H6PD: variants seen among roughly 807,000 people sequenced by gnomAD.
The protein encoded by H6PD is GDH/6PGL endoplasmic bifunctional protein.
Under a neutral mutation model 61.2 loss-of-function variants are expected in H6PD, and 48 were observed. That is an observed-to-expected ratio of 0.78 (90% confidence interval 0.62 to 1.00). The LOEUF (loss-of-function observed/expected upper bound fraction) is 1.00, where lower values mean the gene tolerates loss of function less well. Ranked by LOEUF, H6PD falls within the 50% of genes least tolerant of loss-of-function variation. The probability of loss-of-function intolerance (pLI) is 0.00; values close to 1 mark genes in which losing one functional copy is unlikely to be tolerated. For synonymous variants in H6PD, 480 were observed against 457.9 expected (o/e 1.05, Z -0.62); for missense variants, 1,093 against 1,065.0 (o/e 1.03, Z -0.37).
In H6PD at chr1:9,245,427, G is replaced by T; in HGVS notation, c.493G>T (p.Gly165Cys). ...NINSSCRPGP[G>C]AWLRVVLEKP... ...CAACAGTAGCTGCCGGCCAGGCCCGGGCGCCTGGCTGCGGGTTGTCCTTGA... is the reference window on the plus strand; with the variant it reads ...CAACAGTAGCTGCCGGCCAGGCCCGTGCGCCTGGCTGCGGGTTGTCCTTGA... Residue 165 changes from glycine to cysteine, a missense_variant, in exon 2 of 5, where the codon GGC (glycine) becomes TGC (cysteine). Physicochemically the swap from Gly to Cys is radical, Grantham distance 159 (BLOSUM62 -3). Coordinates refer to ENST00000377403, the MANE Select transcript of H6PD (RefSeq NM_004285.4). This position sits in a 1 kb window ranked among gnomAD's most constrained non-coding sequence, Gnocchi z 4.8. The T allele has an allele frequency of 6.2e-7, 1 of 1,614,110 alleles. No homozygotes were observed. Among genetic ancestry groups the T allele is most frequent in the South Asian group, 1.1e-5 (1 of 91,082 alleles).
intron 1 of H6PD, chr1:9,243,094 G>C: frequency 2.4e-6 from 1 of 413,234 alleles, no homozygotes; most frequent in Non-Finnish European, 3.3e-6. Context: ...GTGTCCTGTA[G>C]ACACTGGCTC....
rs1486085781 is a variant in H6PD at position 9,262,101 on chromosome 1, T to A, written c.788T>A (p.Val263Asp). 1.9e-6 allele frequency: 3 copies of A among 1,614,058 alleles called. No individual in the cohort carries two copies. The highest frequency in any genetic ancestry group is 2.5e-6 in the Non-Finnish European group (3 of 1,180,024). ...FYEEYGVIRD[V>D]LQNHLTEVLT... ...GAGGAGTACGGTGTCATTCGCGACGTCCTCCAGAACCATCTGACGGAGGTC... is the reference window on the plus strand; with the variant it reads ...GAGGAGTACGGTGTCATTCGCGACGACCTCCAGAACCATCTGACGGAGGTC... Residue 263 changes from valine to aspartate, a missense_variant, in exon 4 of 5, where the codon GTC becomes GAC. Physicochemically the swap from Val to Asp is radical, Grantham distance 152. Transcript: ENST00000377403.
rs1638723861 is a variant in H6PD, at chr1:9,270,806, G to C, written c.*5937G>C. 1.3e-5 allele frequency: 2 copies of C among 152,278 alleles called. No individual in the cohort carries two copies. The highest frequency in any genetic ancestry group is 2.9e-5 in the Non-Finnish European group (2 of 68,078). 9.4% of individuals were successfully genotyped at this position (152,278 alleles called of 1,614,324 possible). On this transcript the variant is annotated 3_prime_UTR_variant, in exon 5 of 5. Transcript: ENST00000377403. The stretch of plus-strand genomic sequence containing the variant: ...AGACTGTTCCCTTGGGTGGAGAGGT[G>C]TGGGCATGAGAGCCACCCATTGCCA...
Position 9,264,657 on chromosome 1 carries a change from C to T in H6PD, c.2164C>T (p.Pro722Ser), listed in dbSNP as rs144508545. ...GEQLVVLTTS[P>S]SQPHRRMSLS... ...GCAGCTGGTCGTGCTGACCACGAGC[C>T]CCTCCCAGCCACACCGCCGCATGAG... is the stretch of plus-strand genomic sequence containing the variant. The change falls in exon 5 of 5, where the codon CCC becomes TCC. Residue 722 changes from proline to serine, a missense_variant. By Grantham distance (74) the Pro-to-Ser change is moderately conservative. Transcript: ENST00000377403. 1.5e-4 allele frequency: 242 copies of T among 1,613,120 alleles called. No individual in the cohort carries two copies. In the African/African-American group the frequency reaches 3.0e-3, roughly 20 times the overall value.
At chr1:9,237,176 G>T (rs769043205) in intron 1 of H6PD, among the ~76,000 whole-genome samples, 48 of 149,544 alleles carry the variant, frequency 3.2e-4, no homozygotes, top group Non-Finnish European at 5.5e-4. Flanking sequence ...GGACCAGACT[G>T]CCTGTATTCA....
Position 9,245,016 on chromosome 1 carries a change from A to G in H6PD, c.82A>G (p.Ile28Val). ...QAQELQGHVS[I>V]ILLGATGDLA... ...CCAGGAGCTCCAGGGACATGTCTCC[A>G]TAATCCTGCTGGGAGCAACTGGGGA... The change falls in exon 2 of 5, where the codon ATA becomes GTA. Residue 28 changes from isoleucine (I) to valine (V), a missense_variant. By Grantham distance (29) the Ile-to-Val change is conservative (BLOSUM62 3). Transcript: ENST00000377403. The surrounding 1 kb of genome is among the most constrained non-coding windows in gnomAD (Gnocchi z 4.8). 1 of 1,614,192 alleles carries G rather than the reference A, an allele frequency of 6.2e-7. No homozygotes were observed. The highest frequency in any genetic ancestry group is 8.5e-7 in the Non-Finnish European group (1 of 1,180,020).
intron 3 of H6PD, among the ~76,000 whole-genome samples, chr1:9,255,681 T>C (rs560858198): frequency 1.3e-5 from 2 of 152,296 alleles, no homozygotes; most frequent in South Asian, 4.1e-4. Flanking sequence ...AAAGGAGAAT[T>C]GGAAGATTTG....
chr1:9,264,799 C>A lies in H6PD; in HGVS notation c.2306C>A (p.Pro769His). Residue 769 changes from proline to histidine, a missense_variant, in exon 5 of 5, where the codon CCC becomes CAC. Pro to His is a moderately conservative substitution (Grantham distance 77). Coordinates refer to ENST00000377403, the MANE Select transcript of H6PD (RefSeq NM_004285.4). Reference sequence around the variant, plus strand: ...GTGGGCCATGAGCCCAAGAAGTGGCCCATCTCGGGTGTCCTGCCGCACTCC... The same window carrying A: ...GTGGGCCATGAGCCCAAGAAGTGGCACATCTCGGGTGTCCTGCCGCACTCC... Reference protein sequence around the residue: ...SRVGHEPKKWPISGVLPHSGQ... With the variant: ...SRVGHEPKKWHISGVLPHSGQ... The A allele has an allele frequency of 6.2e-7, 1 of 1,612,988 alleles. No individual in the cohort carries two copies. The highest frequency in any genetic ancestry group is 8.5e-7 in the Non-Finnish European group (1 of 1,180,012).
chr1:9,243,969 G>A (rs1641081792), intron 1 of H6PD, among the ~76,000 whole-genome samples: 1 of 152,190 alleles, frequency 6.6e-6, no homozygotes, highest in Admixed American at 6.5e-5. Flanking sequence ...TGCAGTGGCT[G>A]CACAGTCAGT....
At chr1:9,257,908 G>A (rs1641569402) in intron 3 of H6PD, among the ~76,000 whole-genome samples, 1 of 152,242 alleles carries the variant, frequency 6.6e-6, no homozygotes, top group Non-Finnish European at 1.5e-5. Flanking sequence ...GGTATGCGTT[G>A]GAACCCTGAT....
rs1203936963 is a variant in H6PD, at chr1:9,262,157, A to G, written c.844A>G (p.Asn282Asp). 1 of 1,614,194 alleles carries G rather than the reference A, an allele frequency of 6.2e-7. No homozygotes were observed. The highest frequency in any genetic ancestry group is 8.5e-7 in the Non-Finnish European group (1 of 1,180,024). ...LTLVAMELPHNVSSAEAVLRH... is the reference protein window; with the variant it reads ...LTLVAMELPHDVSSAEAVLRH... ...CCTCGTGGCCATGGAGCTGCCCCAC[A>G]ATGTCAGCAGTGCGGAGGCTGTGCT... The change falls in exon 4 of 5, where the codon AAT becomes GAT. Residue 282 changes from asparagine to aspartate, a missense_variant. Transcript: ENST00000377403.
chr1:9,253,682 C>A (rs1456889018), intron 3 of H6PD, among the ~76,000 whole-genome samples: 1 of 152,196 alleles, frequency 6.6e-6, no homozygotes, highest in Non-Finnish European at 1.5e-5. Context: ...GTTTATACCT[C>A]CAGCCGCCTT....
chr1:9,235,981 T>C (rs1640839613), intron 1 of H6PD, among the ~76,000 whole-genome samples: 1 of 152,294 alleles, frequency 6.6e-6, no homozygotes, highest in East Asian at 1.9e-4. Flanking sequence ...CATGAAAAGC[T>C]GTCTGAGTTT....
chr1:9,258,608 CGTT>C (rs1198493855), intron 3 of H6PD, among the ~76,000 whole-genome samples: 1 of 150,556 alleles, frequency 6.6e-6, no homozygotes, highest in Non-Finnish European at 1.5e-5. Flanking sequence ...CTGTTAACAC[CGTT>C]GTTATGTTGC....
rs752666710 is a variant in H6PD at position 9,264,073 on chromosome 1, C to G, written c.1580C>G (p.Pro527Arg). 6.2e-7 allele frequency: 1 copy of G among 1,613,898 alleles called. No individual in the cohort carries two copies. The highest frequency in any genetic ancestry group is 8.5e-7 in the Non-Finnish European group (1 of 1,179,964). Reference sequence around the variant, plus strand: ...CGGTTGTTCTTTTCCCAGCAGCAGCCGGAGCAGCTGGTGCCAGGGCCAGGG... The same window carrying G: ...CGGTTGTTCTTTTCCCAGCAGCAGCGGGAGCAGCTGGTGCCAGGGCCAGGG... ...SGRLFFSQQQ[P>R]EQLVPGPGPA... is the part of the protein sequence containing the mutation. The change falls in exon 5 of 5, where the codon CCG becomes CGG. Residue 527 changes from proline to arginine, a missense_variant. Pro to Arg is a moderately radical substitution (Grantham distance 103). Coordinates refer to ENST00000377403, the MANE Select transcript of H6PD (RefSeq NM_004285.4).
chr1:9,264,976 C>G lies in H6PD; in HGVS notation c.*107C>G. 8.3e-7 allele frequency: 1 copy of G among 1,210,636 alleles called. No individual in the cohort carries two copies. The highest frequency in any genetic ancestry group is 1.2e-6 in the Non-Finnish European group (1 of 842,496). 75.0% of individuals were successfully genotyped at this position (1,210,636 alleles called of 1,614,324 possible). A position where few individuals can be genotyped will look rare whatever the true frequency, so the allele number is the denominator to read the frequency against. ...CCCAGCGTGCCCTGGCTCTCCAGAACCTTCTATCCCACAGTCAGGCCCCAG... is the reference window on the plus strand; with the variant it reads ...CCCAGCGTGCCCTGGCTCTCCAGAAGCTTCTATCCCACAGTCAGGCCCCAG... On this transcript the variant is annotated 3_prime_UTR_variant, in exon 5 of 5. Coordinates refer to ENST00000377403, the MANE Select transcript of H6PD (RefSeq NM_004285.4).
intron 1 of H6PD, among the ~76,000 whole-genome samples, chr1:9,239,638 C>T (rs1452504237): frequency 6.6e-6 from 1 of 152,158 alleles, no homozygotes; most frequent in African/African-American, 2.4e-5. Flanking sequence ...TGTTTTACTC[C>T]CACATGTTCT....
chr1:9,238,106 C>T (rs1351854132), intron 1 of H6PD, among the ~76,000 whole-genome samples: 1 of 152,110 alleles, frequency 6.6e-6, no homozygotes, highest in African/African-American at 2.4e-5. Context: ...TCTGAGTAAG[C>T]CTCACTGAGA....
At chr1:9,239,293 C>T (rs182767803) in intron 1 of H6PD, among the ~76,000 whole-genome samples, 5 of 152,238 alleles carry the variant, frequency 3.3e-5, no homozygotes, top group East Asian at 3.9e-4. Flanking sequence ...GTAGTCCTCC[C>T]GTCTCAGTCT....
Sources: allele counts gnomAD v4.1 joint callset (sites outside exome capture counted in the v4.1 genomes callset), GRCh38; gene constraint gnomAD v4.1.1; non-coding constraint Gnocchi (gnomAD v3.1); transcripts MANE v1.5; gene names NCBI Gene and HGNC (gene_info 2026-07-23, HGNC 2026-07-21).